Variants in RGS6 observed in about 807,000 individuals in gnomAD.
RGS6 encodes regulator of G protein signaling 6.
A neutral mutation model predicts 78.5 loss-of-function variants in RGS6; 30 were observed. That is an observed-to-expected ratio of 0.38 (90% CI 0.29 to 0.52). The LOEUF is 0.52. Among genes scored for constraint, RGS6 ranks in the 20% least tolerant of loss-of-function variants. The pLI is 0.85. For synonymous variants in RGS6, 206 were observed against 206.0 expected, an observed-to-expected ratio of 1.00 and a Z score of 0.00; for missense variants, 495 against 609.7, an observed-to-expected ratio of 0.81 and a Z score of 1.98.
At chr14:72,583,053 G>C in the RGS6 span, among the ~76,000 whole-genome samples, 1 of 152,124 alleles carries the variant, frequency 6.6e-6, no homozygotes, top group Admixed American at 6.5e-5. Flanking sequence ...ATTCTCTTCT[G>C]AACTGGGACA....
chr14:72,486,303 C>T (rs1211227060), intron 12 of RGS6, among the ~76,000 whole-genome samples: 1 of 152,202 alleles, frequency 6.6e-6, no homozygotes, highest in East Asian at 1.9e-4. Context: ...ATACAAGCTT[C>T]TACTGCTGAA....
intron 3 of RGS6, among the ~76,000 whole-genome samples, chr14:72,450,704 A>G (rs2095471951): frequency 6.6e-6 from 1 of 152,226 alleles, no homozygotes; most frequent in South Asian, 2.1e-4. Context: ...GGCAACAATT[A>G]ATCTTAGATA....
At chr14:72,270,530 G>A (rs749243547) in intron 2 of RGS6, among the ~76,000 whole-genome samples, 5 of 152,198 alleles carry the variant, frequency 3.3e-5, no homozygotes, top group Admixed American at 2.6e-4. Context: ...GGTGTGGTTG[G>A]CGGCATTAGT....
chr14:72,550,742 G>T, intron 17 of RGS6: 2 of 986,250 alleles, frequency 2.0e-6, no homozygotes, highest in Non-Finnish European at 1.4e-6. Context: ...ACCTGATGGA[G>T]GTTTCCTTGG....
At chr14:72,030,153 G>A (rs734424) in intron 2 of RGS6, among the ~76,000 whole-genome samples, 6,657 of 152,242 alleles carry the variant, frequency 0.044, 181 homozygotes, top group African/African-American at 0.078. Flanking sequence ...AAAGGATAGT[G>A]AAGAGCATAT....
intron 3 of RGS6, among the ~76,000 whole-genome samples, chr14:72,415,751 C>A (rs2093764076): frequency 6.6e-6 from 1 of 152,222 alleles, no homozygotes; most frequent in Admixed American, 6.5e-5. Flanking sequence ...ACCAAAGCAA[C>A]ATCCATCACA....
chr14:72,610,844 G>A, the RGS6 span, among the ~76,000 whole-genome samples: 1 of 152,190 alleles, frequency 6.6e-6, no homozygotes, highest in Non-Finnish European at 1.5e-5. Flanking sequence ...TGCCAGTCTG[G>A]TGTGGAAAGG....
chr14:72,571,493 G>T, downstream of RGS6, among the ~76,000 whole-genome samples: 1 of 152,290 alleles, frequency 6.6e-6, no homozygotes. Context: ...AGATGGAAAA[G>T]AATTGAGAGT....
intron 2 of RGS6, among the ~76,000 whole-genome samples, chr14:72,051,580 G>A (rs2093246085): frequency 6.6e-6 from 1 of 152,192 alleles, no homozygotes; most frequent in Admixed American, 6.5e-5. Context: ...GAAAGGCAGG[G>A]CTGTTGGGGA....
At chr14:72,535,691 C>A (rs899881245) in intron 15 of RGS6, among the ~76,000 whole-genome samples, 5 of 152,222 alleles carry the variant, frequency 3.3e-5, no homozygotes, top group African/African-American at 1.2e-4. Flanking sequence ...ACCACACCTC[C>A]CTTGCTCCCT....
chr14:72,296,486 A>G (rs530210593), intron 2 of RGS6, among the ~76,000 whole-genome samples: 3 of 152,340 alleles, frequency 2.0e-5, no homozygotes, highest in African/African-American at 7.2e-5. Flanking sequence ...CATCCTTGCC[A>G]ACACTTAATA....
chr14:72,189,398 A>T (rs940530634), intron 2 of RGS6, among the ~76,000 whole-genome samples: 1 of 152,196 alleles, frequency 6.6e-6, no homozygotes, highest in African/African-American at 2.4e-5. Flanking sequence ...GGAGAGAGCG[A>T]TCTTAATAAA....
At chr14:72,590,973 C>T in the RGS6 span, among the ~76,000 whole-genome samples, 5 of 152,204 alleles carry the variant, frequency 3.3e-5, no homozygotes, top group Non-Finnish European at 5.9e-5. Flanking sequence ...ACTATGTGCA[C>T]ATATTATTTT....
At chr14:72,605,647 G>T in the RGS6 span, among the ~76,000 whole-genome samples, 7 of 152,160 alleles carry the variant, frequency 4.6e-5, no homozygotes. Flanking sequence ...GCTGCAGGCT[G>T]CAGGGATGCC....
chr14:72,481,605 C>G (rs1258076852), intron 12 of RGS6, among the ~76,000 whole-genome samples: 1 of 152,182 alleles, frequency 6.6e-6, no homozygotes, highest in East Asian at 1.9e-4. Context: ...CATTGTCTTC[C>G]TGAGTGCTTA....
chr14:72,328,538 C>G (rs977189702), intron 2 of RGS6, among the ~76,000 whole-genome samples: 3 of 152,090 alleles, frequency 2.0e-5, no homozygotes, highest in African/African-American at 7.2e-5. Flanking sequence ...GGAGAAGAAA[C>G]TGAAGTGAAG....
intron 15 of RGS6, among the ~76,000 whole-genome samples, chr14:72,533,586 C>G (rs1040146067): frequency 1.2e-4 from 19 of 152,318 alleles, no homozygotes; most frequent in African/African-American, 4.6e-4. Context: ...AGAAAGGAGT[C>G]ACCCTTCTGG....
At chr14:71,997,219 C>T (rs4350510) in intron 2 of RGS6, among the ~76,000 whole-genome samples, 105,279 of 152,010 alleles carry the variant, frequency 0.69, 36,900 homozygotes, top group East Asian at 0.78. Context: ...ATGAATGATG[C>T]TCAGGCCTCC....
intron 2 of RGS6, among the ~76,000 whole-genome samples, chr14:72,237,267 G>A (rs1009413580): frequency 3.3e-5 from 5 of 152,118 alleles, no homozygotes; most frequent in Admixed American, 2.0e-4. Context: ...GGTCACCTGC[G>A]CTGTTTCCAG....
Sources: gnomAD v4.1 joint callset for allele counts (sites outside exome capture counted in the v4.1 genomes callset) on GRCh38, gnomAD v4.1.1 for gene constraint, MANE v1.5 for transcripts, NCBI Gene and HGNC (gene_info 2026-07-23, HGNC 2026-07-21) for gene names.